The following CNTN3 variants were observed in gnomAD, a reference collection of about 807,000 sequenced individuals.
The protein encoded by CNTN3 is contactin 3, also known as contactin-3.
Under a neutral mutation model 119.1 loss-of-function variants are expected in CNTN3, and 60 were observed. That is an observed-to-expected ratio of 0.50 (90% CI 0.41 to 0.62). The LOEUF (loss-of-function observed/expected upper bound fraction) is 0.62, where lower values mean the gene tolerates loss of function less well. Among genes scored for constraint, CNTN3 ranks in the 20% least tolerant of loss-of-function variants. The pLI is 0.00. For synonymous variants in CNTN3, 450 were observed against 438.7 expected, an observed-to-expected ratio of 1.03 and a Z score of -0.32; for missense variants, 1,101 against 1,242.4, an observed-to-expected ratio of 0.89 and a Z score of 1.71.
At chr3:74,363,150 C>T (rs946003146) in intron 10 of CNTN3, among the ~76,000 whole-genome samples, 2 of 152,100 alleles carry the variant, frequency 1.3e-5, no homozygotes, top group African/African-American at 4.8e-5. Flanking sequence ...TATGCAAACT[C>T]CTCCCTCTTT....
intron 13 of CNTN3, among the ~76,000 whole-genome samples, chr3:74,324,587 A>C (rs550544454): frequency 6.6e-6 from 1 of 152,314 alleles, no homozygotes; most frequent in East Asian, 1.9e-4. Flanking sequence ...TTCTTTAAAT[A>C]TCTGTATTTC....
At chr3:74,376,373 G>A (rs921622160) in intron 5 of CNTN3, among the ~76,000 whole-genome samples, 3 of 152,146 alleles carry the variant, frequency 2.0e-5, no homozygotes, top group Non-Finnish European at 2.9e-5. Flanking sequence ...CATTGCTCAC[G>A]TTACCTCCTG....
At chr3:74,368,070 A>T (rs796910991) in intron 8 of CNTN3, among the ~76,000 whole-genome samples, 2 of 152,178 alleles carry the variant, frequency 1.3e-5, no homozygotes, top group African/African-American at 4.8e-5. Context: ...ATACATTCTA[A>T]ACTAATCAAG....
At chr3:74,539,850 C>T (rs569336269) in intron 1 of CNTN3, among the ~76,000 whole-genome samples, 235 of 152,218 alleles carry the variant, frequency 1.5e-3, no homozygotes, top group Middle Eastern at 3.4e-3. Context: ...AACGTACAGG[C>T]TTTATTTCCC....
chr3:74,582,783 TTGTGTGTGTGTG>T (rs60306845), intron 1 of CNTN3, among the ~76,000 whole-genome samples: 2 of 145,002 alleles, frequency 1.4e-5, no homozygotes, highest in Admixed American at 1.4e-4. Flanking sequence ...GTGTATGCAT[TTGTGTGTGTGTG>T]TGTGTGTGTG....
chr3:74,560,840 A>G lies in CNTN3; in HGVS notation c.-80-39648T>C, dbSNP rs368504058. ...ACATACACATCATGGAATACTATGCAGCCATAAAAAATGATGAGTTCATGT... is the reference window on the plus strand; with the variant it reads ...ACATACACATCATGGAATACTATGCGGCCATAAAAAATGATGAGTTCATGT... On this transcript the variant is annotated intron_variant, in intron 1 of 22. Transcript: ENST00000263665. Among the ~76,000 whole-genome samples the G allele has an allele frequency of 3.2e-3, 481 of 152,188 alleles. 1 individual carries two copies. Among genetic ancestry groups the G allele is most frequent in the African/African-American group, 0.011 (453 of 41,516 alleles).
chr3:74,361,186 C>T (rs954271697), intron 11 of CNTN3, among the ~76,000 whole-genome samples: 1 of 152,062 alleles, frequency 6.6e-6, no homozygotes, highest in Non-Finnish European at 1.5e-5. Flanking sequence ...AATACTTACG[C>T]TTACTTTCTG....
chr3:74,502,374 T>C (rs1218803450), intron 2 of CNTN3, among the ~76,000 whole-genome samples: 1 of 152,150 alleles, frequency 6.6e-6, no homozygotes. Flanking sequence ...ATAAAAGTCA[T>C]GTCCCAAACG....
intron 1 of CNTN3, among the ~76,000 whole-genome samples, chr3:74,544,907 C>G (rs752288489): frequency 1.3e-5 from 2 of 152,088 alleles, no homozygotes; most frequent in Non-Finnish European, 2.9e-5. Context: ...CGATGAATCT[C>G]TTGCACAATA....
chr3:74,386,346 C>T (rs936482358), intron 5 of CNTN3, among the ~76,000 whole-genome samples: 20 of 152,036 alleles, frequency 1.3e-4, no homozygotes, highest in African/African-American at 4.8e-4. Flanking sequence ...TATGGCTGGG[C>T]GGTGGCTCAC....
At chr3:74,330,494 C>T (rs1033775633) in intron 13 of CNTN3, among the ~76,000 whole-genome samples, 2 of 152,164 alleles carry the variant, frequency 1.3e-5, no homozygotes, top group African/African-American at 4.8e-5. Context: ...TAGTCTAGCA[C>T]ATACAATTAT....
At chr3:74,392,407 C>CT (rs1465456871) in intron 5 of CNTN3, among the ~76,000 whole-genome samples, 2 of 152,056 alleles carry the variant, frequency 1.3e-5, no homozygotes, top group Non-Finnish European at 2.9e-5. Flanking sequence ...TTCCACCCTG[C>CT]TTCTTCTTTT....
chr3:74,533,330 T>C (rs1703718847), intron 1 of CNTN3, among the ~76,000 whole-genome samples: 1 of 151,976 alleles, frequency 6.6e-6, no homozygotes, highest in African/African-American at 2.4e-5. Flanking sequence ...CAAGCAAACA[T>C]GCTCAAAGCA....
intron 1 of CNTN3, among the ~76,000 whole-genome samples, chr3:74,529,305 G>A (rs1444594241): frequency 6.6e-6 from 1 of 151,842 alleles, no homozygotes; most frequent in Non-Finnish European, 1.5e-5. Flanking sequence ...ATTTCAAACA[G>A]TACAGAGCTC....
At chr3:74,402,592 A>G (rs1016975891) in intron 5 of CNTN3, among the ~76,000 whole-genome samples, 9 of 152,168 alleles carry the variant, frequency 5.9e-5, no homozygotes, top group African/African-American at 2.2e-4. Flanking sequence ...TATACTAAGC[A>G]TTATTTTTGG....
At chr3:74,517,043 G>T (rs1175975920) in intron 2 of CNTN3, among the ~76,000 whole-genome samples, 1 of 151,776 alleles carries the variant, frequency 6.6e-6, no homozygotes, top group East Asian at 1.9e-4. Flanking sequence ...CATGCCCACA[G>T]GCCAGACCTT....
chr3:74,573,426 C>A (rs567134950), intron 1 of CNTN3, among the ~76,000 whole-genome samples: 1 of 151,978 alleles, frequency 6.6e-6, no homozygotes, highest in Non-Finnish European at 1.5e-5. Context: ...AGATATGATA[C>A]CCATATGAGC....
At chr3:74,415,134 A>C (rs1266062948) in intron 5 of CNTN3, among the ~76,000 whole-genome samples, 1 of 152,132 alleles carries the variant, frequency 6.6e-6, no homozygotes, top group Non-Finnish European at 1.5e-5. Context: ...TGGTGGATGG[A>C]ATCAGAGCAA....
chr3:74,470,630 C>T (rs1163541232), intron 4 of CNTN3, among the ~76,000 whole-genome samples: 3 of 152,050 alleles, frequency 2.0e-5, no homozygotes, highest in Non-Finnish European at 2.9e-5. Flanking sequence ...GACAAGGCTG[C>T]CTGATTAACC....
Sources: allele counts gnomAD v4.1 joint callset (sites outside exome capture counted in the v4.1 genomes callset), GRCh38; gene constraint gnomAD v4.1.1; transcripts MANE v1.5; gene names NCBI Gene and HGNC (gene_info 2026-07-23, HGNC 2026-07-21).